CUEDC1: variants seen among roughly 807,000 people sequenced by gnomAD.
CUEDC1 encodes CUE domain-containing protein 1.
CUEDC1 carries 30 observed loss-of-function variants against 43.7 expected under a neutral mutation model. The ratio of observed to expected loss-of-function variants is 0.69; its 90% confidence interval spans 0.51 to 0.93. The LOEUF (loss-of-function observed/expected upper bound fraction) is 0.93. Ranked by LOEUF, CUEDC1 falls within the 40% of genes least tolerant of loss-of-function variation. CUEDC1 has a pLI of 0.00. For synonymous variants in CUEDC1, 223 were observed against 223.6 expected (o/e 1.00, Z 0.02); for missense variants, 486 against 549.0 (o/e 0.89, Z 1.15).
chr17:57,870,694 G>A (rs1355893424), intron 6 of CUEDC1, among the ~76,000 whole-genome samples: 1 of 126,538 alleles, frequency 7.9e-6, no homozygotes, highest in Non-Finnish European at 1.6e-5. Context: ...TTTTTTTTTT[G>A]GAGACAGGGT....
At chr17:57,933,118 T>C (rs1439424170) in intron 1 of CUEDC1, among the ~76,000 whole-genome samples, 1 of 152,042 alleles carries the variant, frequency 6.6e-6, no homozygotes, top group Non-Finnish European at 1.5e-5. Context: ...GGCTGCCCAA[T>C]AGAAACACCT....
At chr17:57,910,710 C>T (rs1011452175) in intron 1 of CUEDC1, among the ~76,000 whole-genome samples, 9 of 152,148 alleles carry the variant, frequency 5.9e-5, no homozygotes, top group Non-Finnish European at 1.2e-4. Flanking sequence ...AATAACTGTC[C>T]TGGATGGTAC....
intron 1 of CUEDC1, among the ~76,000 whole-genome samples, chr17:57,896,910 CA>C (rs966945428): frequency 6.6e-6 from 1 of 151,442 alleles, no homozygotes; most frequent in Admixed American, 6.6e-5. Flanking sequence ...GCTGAGACTA[CA>C]GGTGCGTGCC....
chr17:57,872,223 C>A (rs1033153379), intron 5 of CUEDC1, among the ~76,000 whole-genome samples: 1 of 152,246 alleles, frequency 6.6e-6, no homozygotes, highest in Non-Finnish European at 1.5e-5. Flanking sequence ...TTCCAGAGCC[C>A]CTGCTCTAAA....
chr17:57,898,510 T>C (rs1276646360), intron 1 of CUEDC1, among the ~76,000 whole-genome samples: 1 of 152,116 alleles, frequency 6.6e-6, no homozygotes, highest in Admixed American at 6.5e-5. Flanking sequence ...CTCTGAGCAA[T>C]CTGTAATATG....
intron 1 of CUEDC1, among the ~76,000 whole-genome samples, chr17:57,899,722 C>G (rs992449402): frequency 1.3e-5 from 2 of 152,176 alleles, no homozygotes; most frequent in African/African-American, 4.8e-5. Flanking sequence ...ACAGACAACA[C>G]TTTAGGATTT....
Position 57,867,364 on chromosome 17 carries a change from G to A in CUEDC1, c.1086C>T (p.His362=), listed in dbSNP as rs750770869. Reference sequence around the variant, plus strand: ...ACTCCCCTCCAGCCTCACCACACGCGTGGCCCTCCACATCATCCAGGAGGT... The same window carrying A: ...ACTCCCCTCCAGCCTCACCACACGCATGGCCCTCCACATCATCCAGGAGGT... ...TANLLDDVEG[H]ACDEDFRGRR... is the part of the protein sequence containing the mutation. The change falls in exon 9 of 11, where the codon CAC becomes CAT. Residue 362 remains histidine, a synonymous_variant. Transcript: ENST00000577830. The A allele has an allele frequency of 8.4e-6, 13 of 1,551,908 alleles. No homozygotes were observed. Among genetic ancestry groups the A allele is most frequent in the Middle Eastern group, 3.3e-4 (2 of 6,014 alleles).
rs1017615125 is a variant in CUEDC1, at chr17:57,861,344, C to G, written c.*1945G>C. ...TGTTTCCCTTGCCTGATACAGCAAG[C>G]GGTTTACAGTCCTGGGCCAAACAGG... On this transcript the variant is annotated 3_prime_UTR_variant, in exon 11 of 11. Transcript: ENST00000577830. The G allele has an allele frequency of 6.6e-6, 1 of 152,240 alleles. No individual in the cohort carries two copies. The highest frequency in any genetic ancestry group is 2.4e-5 in the African/African-American group (1 of 41,456). 9.4% of individuals were successfully genotyped at this position (152,240 alleles called of 1,614,324 possible).
chr17:57,898,825 G>A (rs900814829), intron 1 of CUEDC1, among the ~76,000 whole-genome samples: 1 of 152,162 alleles, frequency 6.6e-6, no homozygotes, highest in Non-Finnish European at 1.5e-5. Context: ...GCAGGGAGCT[G>A]GGCCAGCAGC....
chr17:57,909,798 C>G lies in CUEDC1; in HGVS notation c.-315-23919G>C, dbSNP rs189985839. On this transcript the variant is annotated intron_variant, in intron 1 of 10. Coordinates refer to ENST00000577830, the MANE Select transcript of CUEDC1 (RefSeq NM_001271875.2). ...TCCTGAGTGTGCAAATGCAAAACTGCCTCCTTGGGCTTCTCCAGAGCAATG... is the reference window on the plus strand; with the variant it reads ...TCCTGAGTGTGCAAATGCAAAACTGGCTCCTTGGGCTTCTCCAGAGCAATG... Among the ~76,000 whole-genome samples the G allele has an allele frequency of 7.3e-4, 111 of 152,336 alleles. 2 individuals are homozygous for G. Among genetic ancestry groups the G allele is most frequent in the African/African-American group, 2.5e-3 (104 of 41,576 alleles).
At chr17:57,914,988 G>C (rs1320544809) in intron 1 of CUEDC1, 1 of 152,218 alleles carries the variant, frequency 6.6e-6, no homozygotes, top group African/African-American at 2.4e-5. Context: ...CAATGAGGCA[G>C]CTACTATTCT....
At chr17:57,949,446 C>T (rs929758724) in intron 1 of CUEDC1, among the ~76,000 whole-genome samples, 1 of 151,954 alleles carries the variant, frequency 6.6e-6, no homozygotes, top group African/African-American at 2.4e-5. Flanking sequence ...CATGTTCCAA[C>T]GATGCCTGGA....
intron 3 of CUEDC1, among the ~76,000 whole-genome samples, chr17:57,874,799 G>C (rs1347749133): frequency 6.6e-6 from 1 of 152,164 alleles, no homozygotes; most frequent in Admixed American, 6.5e-5. Context: ...GAGCTTTTCC[G>C]GGCTGCCGCT....
Position 57,950,340 on chromosome 17 carries a change from C to T in CUEDC1, c.-316+4885G>A, listed in dbSNP as rs140841746. Among the ~76,000 whole-genome samples, 1,122 of 151,656 alleles carry T rather than the reference C, an allele frequency of 7.4e-3. 20 individuals are homozygous for T. Among genetic ancestry groups the T allele is most frequent in the African/African-American group, 0.026 (1,078 of 41,352 alleles). On this transcript the variant is annotated intron_variant, in intron 1 of 10. Transcript: ENST00000577830. ...TAATTTTTTTGTACTTTAGTAGAGA[C>T]GGGGGTTTCACCATGTTGCCCAGGT...
chr17:57,928,828 G>C (rs903408127), intron 1 of CUEDC1, among the ~76,000 whole-genome samples: 1 of 150,230 alleles, frequency 6.7e-6, no homozygotes, highest in African/African-American at 2.5e-5. Context: ...GGAGGGAAAG[G>C]GTTAAGAGTC....
chr17:57,937,760 G>T (rs559028200), intron 1 of CUEDC1, among the ~76,000 whole-genome samples: 9 of 152,148 alleles, frequency 5.9e-5, no homozygotes, highest in African/African-American at 2.2e-4. Context: ...TTTAAAATTA[G>T]TCAGGCATGG....
At chr17:57,868,641 G>A (rs894596942) in intron 7 of CUEDC1, among the ~76,000 whole-genome samples, 1 of 152,174 alleles carries the variant, frequency 6.6e-6, no homozygotes, top group Non-Finnish European at 1.5e-5. Context: ...TGACTAATCC[G>A]AGATTTTCCT....
In CUEDC1 at chr17:57,896,060, C is replaced by A. The variant is rs532167149; in HGVS notation, c.-315-10181G>T. Among the ~76,000 whole-genome samples the A allele has an allele frequency of 6.7e-4, 102 of 152,280 alleles. No individual in the cohort carries two copies. The Middle Eastern group carries it at 0.014, about 20-fold the overall frequency. ...AGCATCCGAACATGCCCAGGTAATC[C>A]GGGTCAAGGAACCCATGATTAGAAA... On this transcript the variant is annotated intron_variant, in intron 1 of 10. Transcript: ENST00000577830.
chr17:57,910,732 C>G (rs140904867), intron 1 of CUEDC1, among the ~76,000 whole-genome samples: 1 of 152,154 alleles, frequency 6.6e-6, no homozygotes. Flanking sequence ...ACTCTGTGAA[C>G]ACCCCCTTTT....
Sources: allele counts gnomAD v4.1 joint callset (sites outside exome capture counted in the v4.1 genomes callset), GRCh38; gene constraint gnomAD v4.1.1; transcripts MANE v1.5; gene names NCBI Gene and HGNC (gene_info 2026-07-23, HGNC 2026-07-21).